Variants in KDM3A observed in about 807,000 individuals in gnomAD.
KDM3A encodes the protein lysine-specific demethylase 3A.
Under a neutral mutation model 158.0 loss-of-function variants are expected in KDM3A, and 60 were observed. The ratio of observed to expected loss-of-function variants is 0.38; its 90% CI spans 0.31 to 0.47. The LOEUF (loss-of-function observed/expected upper bound fraction) is 0.47, where lower values mean the gene tolerates loss of function less well. KDM3A is among the 20% of genes least tolerant of loss of function. KDM3A has a pLI of 0.99. For synonymous variants in KDM3A, 608 were observed against 549.3 expected (o/e 1.11, Z -1.49); for missense variants, 1,319 against 1,574.3 (o/e 0.84, Z 2.74).
chr2:86,468,458 A>G (rs1308030415), intron 10 of KDM3A, among the ~76,000 whole-genome samples: 3 of 152,246 alleles, frequency 2.0e-5, no homozygotes, highest in Admixed American at 1.3e-4. Flanking sequence ...CAATAAGCAC[A>G]TGATAGATAC....
intron 16 of KDM3A, among the ~76,000 whole-genome samples, chr2:86,481,603 G>GA (rs983219849): frequency 4.0e-5 from 6 of 151,056 alleles, no homozygotes; most frequent in African/African-American, 1.5e-4. Flanking sequence ...TGCATTCAGG[G>GA]AAAAAAAATG....
At chr2:86,477,128 C>G (rs1011724636) in intron 12 of KDM3A, among the ~76,000 whole-genome samples, 1 of 152,246 alleles carries the variant, frequency 6.6e-6, no homozygotes, top group Admixed American at 6.5e-5. Flanking sequence ...AAGGCCTCTC[C>G]CTCCAGTTAT....
Position 86,470,310 on chromosome 2 carries a change from G to A in KDM3A, c.1626G>A (p.Gln542=). ...ATTCTTGTGTGAACATCGTGGCACA[G>A]TTGCCTAAATGCCGAGAGTGTCGCT... The part of the protein sequence containing the change: ...QDDSCVNIVA[Q]LPKCRECRLD... The change falls in exon 11 of 26, where the codon CAG becomes CAA. Residue 542 remains glutamine (Q), a synonymous_variant. Coordinates refer to ENST00000312912, the MANE Select transcript of KDM3A (RefSeq NM_018433.6). 4.3e-6 allele frequency: 7 copies of A among 1,614,162 alleles called. No individual in the cohort carries two copies. Among genetic ancestry groups the A allele is most frequent in the Non-Finnish European group, 5.9e-6 (7 of 1,180,008 alleles).
upstream of KDM3A, among the ~76,000 whole-genome samples, chr2:86,437,163 C>CA (rs1682506549): frequency 6.6e-6 from 1 of 150,904 alleles, no homozygotes; most frequent in African/African-American, 2.4e-5. Context: ...TTTTTTGAGA[C>CA]AGAGTCTTGC....
rs1672369128 is a variant in KDM3A, at chr2:86,449,893, A to G, written c.273A>G (p.Glu91=). ...YSLLRRAFLV[E]HNLVLAERKS... The stretch of plus-strand genomic sequence containing the variant: ...TTCTAAGGAGAGCATTTTTAGTAGA[A>G]CATAATTTGGTTTTAGCTGAACGAA... Residue 91 remains glutamate, a synonymous_variant, in exon 3 of 26, where the codon GAA becomes GAG. Coordinates refer to ENST00000312912, the MANE Select transcript of KDM3A (RefSeq NM_018433.6). 2 of 1,613,830 alleles carry G rather than the reference A, an allele frequency of 1.2e-6. No individual in the cohort carries two copies. The highest frequency in any genetic ancestry group is 2.2e-5 in the South Asian group (2 of 91,082).
At chr2:86,468,100 C>G (rs928612710) in intron 10 of KDM3A, among the ~76,000 whole-genome samples, 2 of 152,196 alleles carry the variant, frequency 1.3e-5, no homozygotes, top group Non-Finnish European at 2.9e-5. Flanking sequence ...TATATCTACA[C>G]TATCTTTTTA....
rs377641271 is a variant in KDM3A, at chr2:86,476,231, A to T, written c.1939+1241A>T. 3.3e-5 allele frequency among the ~76,000 whole-genome samples: 5 copies of T among 152,254 alleles called. No individual in the cohort carries two copies. The East Asian group carries it at 9.6e-4, about 29-fold the overall frequency. ...TAACTGGTCTGGCAGTGGTACATAC[A>T]TGACTGCAATGTGGAAACACTTTTT... is the stretch of plus-strand genomic sequence containing the variant. On this transcript the variant is annotated intron_variant, in intron 12 of 25. Transcript: ENST00000312912.
chr2:86,485,648 G>A (rs1674142944), intron 20 of KDM3A, 81 bp from the exon 21 acceptor site: 3 of 1,511,628 alleles, frequency 2.0e-6, no homozygotes, highest in African/African-American at 1.4e-5. Context: ...TCCTTTTGGT[G>A]TAGAAGGAAC....
At chr2:86,450,309 T>C (rs1672389325) in intron 3 of KDM3A, among the ~76,000 whole-genome samples, 1 of 152,190 alleles carries the variant, frequency 6.6e-6, no homozygotes, top group Admixed American at 6.5e-5. Context: ...CATCTGAAAA[T>C]CTAGATTTCC....
intron 10 of KDM3A, 115 bp downstream of exon 10, chr2:86,466,998 A>G (rs1241647467): frequency 1.4e-5 from 12 of 869,030 alleles, no homozygotes; most frequent in Non-Finnish European, 1.9e-5. Context: ...TAGTTTATAC[A>G]GTCAGAAAAG....
chr2:86,492,279 G>T lies in KDM3A; in HGVS notation c.*160G>T. On this transcript the variant is annotated 3_prime_UTR_variant, in exon 26 of 26. Coordinates refer to ENST00000312912, the MANE Select transcript of KDM3A (RefSeq NM_018433.6). Reference sequence around the variant, plus strand: ...TGTATATTTCTAGTGTTTACAGACAGTAAATGTGTATATGTAGTAACTATT... The same window carrying T: ...TGTATATTTCTAGTGTTTACAGACATTAAATGTGTATATGTAGTAACTATT... 1 of 589,904 alleles carries T rather than the reference G, an allele frequency of 1.7e-6. No homozygotes were observed. The allele number at this position is 589,904 out of a possible 1,614,324, so 36.5% of individuals were successfully genotyped here.
chr2:86,485,336 C>T (rs1363332458), intron 20 of KDM3A, among the ~76,000 whole-genome samples: 1 of 152,186 alleles, frequency 6.6e-6, no homozygotes, highest in Non-Finnish European at 1.5e-5. Context: ...GGAATCTGAC[C>T]TGTCAGGGTC....
chr2:86,450,265 A>G (rs942910485), intron 3 of KDM3A, among the ~76,000 whole-genome samples: 3 of 152,198 alleles, frequency 2.0e-5, no homozygotes, highest in Non-Finnish European at 4.4e-5. Context: ...AAAACATTTG[A>G]ATTAATTGCC....
At position 86,451,384 on chromosome 2, in the gene KDM3A, T is replaced by C. The variant is rs962839431; in HGVS notation, c.453+171T>C. Among the ~76,000 whole-genome samples the C allele has an allele frequency of 2.0e-5, 3 of 152,316 alleles. No individual in the cohort carries two copies. In the East Asian group the frequency reaches 5.8e-4, roughly 29 times the overall value. Reference sequence around the variant, plus strand: ...TTCCCTCCAAACTCTACTAATAGCTTACTGTTGACCATAAGCCTTATTGAT... The same window carrying C: ...TTCCCTCCAAACTCTACTAATAGCTCACTGTTGACCATAAGCCTTATTGAT... On this transcript the variant is annotated intron_variant, in intron 4 of 25. Coordinates refer to ENST00000312912, the MANE Select transcript of KDM3A (RefSeq NM_018433.6).
chr2:86,492,197 A>T lies in KDM3A; in HGVS notation c.*78A>T. 1 of 1,000,704 alleles carries T rather than the reference A, an allele frequency of 1.0e-6. No individual in the cohort carries two copies. The highest frequency in any genetic ancestry group is 1.6e-6 in the Non-Finnish European group (1 of 639,014). 62.0% of individuals were successfully genotyped at this position (1,000,704 alleles called of 1,614,324 possible). On this transcript the variant is annotated 3_prime_UTR_variant, in exon 26 of 26. Coordinates refer to ENST00000312912, the MANE Select transcript of KDM3A (RefSeq NM_018433.6). ...AGGATTCCTGTGGACTTTGAGATTC[A>T]TGTTACCTCATCTTCTTTTTTAAAC...
chr2:86,489,311 T>C lies in KDM3A; in HGVS notation c.3314-7T>C. 1 of 1,611,670 alleles carries C rather than the reference T, an allele frequency of 6.2e-7. No individual in the cohort carries two copies. The highest frequency in any genetic ancestry group is 8.5e-7 in the Non-Finnish European group (1 of 1,179,070). ...TTTGTAAAACTTAAGGCACTTTGTT[T>C]TTGCAGGATTAATCACTCCTGAAGA... is the stretch of plus-strand genomic sequence containing the variant. On this transcript the variant is annotated splice_polypyrimidine_tract_variant and splice_region_variant and intron_variant, in intron 21 of 25. Coordinates refer to ENST00000312912, the MANE Select transcript of KDM3A (RefSeq NM_018433.6).
chr2:86,453,908 G>A (rs575101601), intron 4 of KDM3A, among the ~76,000 whole-genome samples: 6 of 152,330 alleles, frequency 3.9e-5, no homozygotes, highest in Admixed American at 1.3e-4. Context: ...AAGGGCTTCT[G>A]TGTTGAGCAC....
intron 5 of KDM3A, among the ~76,000 whole-genome samples, chr2:86,455,935 G>A (rs1238979274): frequency 1.5e-5 from 2 of 137,330 alleles, no homozygotes; most frequent in Non-Finnish European, 3.1e-5. Flanking sequence ...CAGCCTGGGT[G>A]AGAGCAAGAC....
chr2:86,462,255 T>A (rs899438715), intron 8 of KDM3A, among the ~76,000 whole-genome samples: 8 of 152,062 alleles, frequency 5.3e-5, no homozygotes, highest in African/African-American at 1.7e-4. Context: ...AATTTATGCT[T>A]AGGTTTATAA....
Sources: gnomAD v4.1 joint callset for allele counts (sites outside exome capture counted in the v4.1 genomes callset) on GRCh38, gnomAD v4.1.1 for gene constraint, MANE v1.5 for transcripts, NCBI Gene and HGNC (gene_info 2026-07-23, HGNC 2026-07-21) for gene names.